WWOX: variants seen among roughly 807,000 people sequenced by gnomAD.
The protein encoded by WWOX is WW domain-containing oxidoreductase.
Under a neutral mutation model 46.2 loss-of-function variants are expected in WWOX, and 69 were observed. The ratio of observed to expected loss-of-function variants is 1.49; its 90% confidence interval spans 1.23 to 1.82. The LOEUF (loss-of-function observed/expected upper bound fraction) is 1.82, where lower values mean the gene tolerates loss of function less well. WWOX is among the 40% of genes most tolerant of loss of function. WWOX has a pLI of 0.00. For missense variants in WWOX, 919 were observed against 542.6 expected (o/e 1.69, Z -6.89); for synonymous variants, 359 against 202.6 (o/e 1.77, Z -6.56).
intron 8 of WWOX, among the ~76,000 whole-genome samples, chr16:78,875,905 T>C (rs1329052531): frequency 2.6e-5 from 4 of 152,208 alleles, no homozygotes; most frequent in African/African-American, 9.6e-5. Flanking sequence ...TAATTCTTTC[T>C]CCTGATACCA....
chr16:78,571,531 A>G (rs1320054862), intron 8 of WWOX, among the ~76,000 whole-genome samples: 1 of 152,214 alleles, frequency 6.6e-6, no homozygotes, highest in East Asian at 1.9e-4. Flanking sequence ...TGTCCTATAA[A>G]GAATACCATA....
intron 8 of WWOX, among the ~76,000 whole-genome samples, chr16:79,185,651 C>G (rs940955483): frequency 1.3e-5 from 2 of 152,086 alleles, no homozygotes; most frequent in Non-Finnish European, 2.9e-5. Flanking sequence ...TTGTCAAACA[C>G]CTGCCGATGA....
chr16:78,705,149 A>G (rs1458879033), intron 8 of WWOX, among the ~76,000 whole-genome samples: 1 of 152,126 alleles, frequency 6.6e-6, no homozygotes, highest in Non-Finnish European at 1.5e-5. Flanking sequence ...ATTTTCTTTG[A>G]TATTAAAAAG....
At chr16:78,929,948 G>A (rs560139457) in intron 8 of WWOX, among the ~76,000 whole-genome samples, 2 of 152,096 alleles carry the variant, frequency 1.3e-5, no homozygotes, top group African/African-American at 2.4e-5. Context: ...AAAATTCCCT[G>A]TGCTAACTGC....
rs1358896621 is a variant in WWOX at position 78,338,497 on chromosome 16, C to T, written c.517-48363C>T. On this transcript the variant is annotated intron_variant, in intron 5 of 8. Transcript: ENST00000566780. ...ATTGTTATCTTTATGGAGTTAAGGG[C>T]ACATAAAATATTCTTACAGAGAGAA... is the stretch of plus-strand genomic sequence containing the variant. Among the ~76,000 whole-genome samples, 3 of 121,260 alleles carry T rather than the reference C, an allele frequency of 2.5e-5. 1 individual carries two copies. The highest frequency in any genetic ancestry group is 1.9e-4 in the East Asian group (1 of 5,194). 79.6% of individuals were successfully genotyped at this position (121,260 alleles called of 152,430 possible). A position where few individuals can be genotyped will look rare whatever the true frequency, so the allele number is the denominator to read the frequency against.
chr16:78,930,108 G>C (rs146156538), intron 8 of WWOX, among the ~76,000 whole-genome samples: 2 of 152,102 alleles, frequency 1.3e-5, no homozygotes, highest in African/African-American at 4.8e-5. Flanking sequence ...CCTTCCTGCC[G>C]TCTGGGATGT....
intron 5 of WWOX, among the ~76,000 whole-genome samples, chr16:78,368,799 C>T (rs540602590): frequency 7.8e-4 from 119 of 152,264 alleles, no homozygotes; most frequent in Non-Finnish European, 1.6e-3. Context: ...TCCCATTGGG[C>T]CATGGGATAG....
chr16:78,673,702 A>T (rs2047521010), intron 8 of WWOX, among the ~76,000 whole-genome samples: 1 of 152,220 alleles, frequency 6.6e-6, no homozygotes, highest in Non-Finnish European at 1.5e-5. Flanking sequence ...ACAAGTCAAG[A>T]GACTCATTAG....
Position 78,655,018 on chromosome 16 carries a change from C to T in WWOX, c.1056+222266C>T, listed in dbSNP as rs548607995. ...AAATGTCTGAGTTTACATTTTGTGT[C>T]GGTACTTGCTTTGGCAGAACTCTGT... On this transcript the variant is annotated intron_variant, in intron 8 of 8. Coordinates refer to ENST00000566780, the MANE Select transcript of WWOX (RefSeq NM_016373.4). Among the ~76,000 whole-genome samples the T allele has an allele frequency of 2.1e-4, 32 of 152,152 alleles. 1 individual carries two copies. Among genetic ancestry groups the T allele is most frequent in the East Asian group, 5.8e-4 (3 of 5,166 alleles).
At chr16:79,191,734 C>T (rs2051140860) in intron 8 of WWOX, among the ~76,000 whole-genome samples, 1 of 152,108 alleles carries the variant, frequency 6.6e-6, no homozygotes, top group African/African-American at 2.4e-5. Flanking sequence ...TGTGTGCTCA[C>T]CCAAAAGTAG....
chr16:79,193,253 G>C (rs16949861), intron 8 of WWOX, among the ~76,000 whole-genome samples: 4,043 of 152,182 alleles, frequency 0.027, 192 homozygotes, highest in African/African-American at 0.092. Context: ...TTACCCTTGG[G>C]GGCCCTGTAA....
chr16:78,321,328 G>A (rs1398215112), intron 5 of WWOX, among the ~76,000 whole-genome samples: 4 of 66,278 alleles, frequency 6.0e-5, no homozygotes, highest in East Asian at 1.6e-3. Flanking sequence ...ATATATATAC[G>A]TATATATGCG....
chr16:78,392,314 C>A lies in WWOX; in HGVS notation c.605+5366C>A, dbSNP rs4632142. Among the ~76,000 whole-genome samples the A allele has an allele frequency of 5.7e-3, 869 of 152,108 alleles. 9 individuals carry two copies. Among genetic ancestry groups the A allele is most frequent in the African/African-American group, 0.02 (812 of 41,506 alleles). ...AGGGATCTAGGCTGCATGCTCCTTA[C>A]GAAAATCTAATGCCTGATGATCTGT... On this transcript the variant is annotated intron_variant, in intron 6 of 8. Coordinates refer to ENST00000566780, the MANE Select transcript of WWOX (RefSeq NM_016373.4).
chr16:78,345,459 A>AC, intron 5 of WWOX, among the ~76,000 whole-genome samples: 2 of 4,672 alleles, frequency 4.3e-4, no homozygotes, highest in African/African-American at 7.2e-4. Context: ...CATCGCTACC[A>AC]AAAAAAAAAA....
chr16:78,753,852 ATATGTATATGTATATG>A (rs2049563167), intron 8 of WWOX, among the ~76,000 whole-genome samples: 3 of 84,596 alleles, frequency 3.5e-5, no homozygotes, highest in South Asian at 5.1e-4. Context: ...ATATATATAT[ATATGTATATGTATATG>A]TATATATAAA....
At chr16:78,430,542 C>A (rs757625962) in intron 7 of WWOX, among the ~76,000 whole-genome samples, 1 of 152,146 alleles carries the variant, frequency 6.6e-6, no homozygotes, top group Non-Finnish European at 1.5e-5. Context: ...TGCAAGACAT[C>A]TGCCATCCCT....
At chr16:78,309,167 C>T (rs911804381) in intron 5 of WWOX, among the ~76,000 whole-genome samples, 2 of 152,164 alleles carry the variant, frequency 1.3e-5, no homozygotes, top group African/African-American at 4.8e-5. Flanking sequence ...CCCACAATCC[C>T]GACATGTCAA....
chr16:78,393,475 G>A (rs563683079), intron 6 of WWOX, among the ~76,000 whole-genome samples: 37 of 151,518 alleles, frequency 2.4e-4, no homozygotes, highest in Non-Finnish European at 3.6e-4. Flanking sequence ...CCTGGGCAAC[G>A]TAGTGAGACG....
At position 78,574,415 on chromosome 16, in the gene WWOX, A is replaced by G. The variant is rs1194814551; in HGVS notation, c.1056+141663A>G. Among the ~76,000 whole-genome samples, 4 of 152,112 alleles carry G rather than the reference A, an allele frequency of 2.6e-5. No individual in the cohort carries two copies. The East Asian group carries it at 5.8e-4, about 22-fold the overall frequency. On this transcript the variant is annotated intron_variant, in intron 8 of 8. Coordinates refer to ENST00000566780, the MANE Select transcript of WWOX (RefSeq NM_016373.4). Reference sequence around the variant, plus strand: ...CAGTCTATCAGCCACAACTTGAAGTATCTTCTCTCCTCTTTGCTGCCAAAT... The same window carrying G: ...CAGTCTATCAGCCACAACTTGAAGTGTCTTCTCTCCTCTTTGCTGCCAAAT...
Sources: gnomAD v4.1 joint callset for allele counts (sites outside exome capture counted in the v4.1 genomes callset) on GRCh38, gnomAD v4.1.1 for gene constraint, MANE v1.5 for transcripts, NCBI Gene and HGNC (gene_info 2026-07-23, HGNC 2026-07-21) for gene names.